Variants in TTC38 observed in about 807,000 individuals in gnomAD.
TTC38 encodes the protein tetratricopeptide repeat protein 38.
TTC38 carries 64 observed loss-of-function variants against 64.2 expected under a neutral mutation model. That is an observed-to-expected ratio of 1.00 (90% CI 0.81 to 1.23). The LOEUF (loss-of-function observed/expected upper bound fraction) is 1.23, where lower values mean the gene tolerates loss of function less well. Among genes scored for constraint, TTC38 ranks in the 50% most tolerant of loss-of-function variants. The probability of loss-of-function intolerance (pLI) is 0.00; values close to 1 mark genes in which losing one functional copy is unlikely to be tolerated. For missense variants in TTC38, 573 were observed against 615.5 expected (o/e 0.93, Z 0.73); for synonymous variants, 254 against 249.3 (o/e 1.02, Z -0.18).
Position 46,273,983 on chromosome 22 carries a change from G to A in TTC38, c.279G>A (p.Val93=). The change falls in exon 4 of 14, where the codon GTG becomes GTA. Residue 93 remains valine (V), a synonymous_variant. Transcript: ENST00000381031. This position sits in a 1 kb window ranked among gnomAD's most constrained non-coding sequence, Gnocchi z 5.1. The part of the protein sequence containing the change: ...VKLDKELDLA[V]KTMVEISRTQ... ...TGGACAAAGAGCTGGACCTGGCTGT[G>A]AAGACAATGGTGGAGATTTCAAGAA... The A allele has an allele frequency of 1.2e-6, 2 of 1,614,252 alleles. No homozygotes were observed. The highest frequency in any genetic ancestry group is 3.3e-5 in the Admixed American group (2 of 60,034).
At chr22:46,268,372 G>T in intron 1 of TTC38, 142 bp from the exon 2 acceptor site, 1 of 908,654 alleles carries the variant, frequency 1.1e-6, no homozygotes, top group Non-Finnish European at 1.7e-6. Context: ...GGGGCTCCTT[G>T]GAACCGGCCC....
At position 46,293,722 on chromosome 22, in the gene TTC38, G is replaced by A. The variant is rs1206359840; in HGVS notation, c.*838G>A. 6.6e-6 allele frequency: 1 copy of A among 152,378 alleles called. No individual in the cohort carries two copies. Among genetic ancestry groups the A allele is most frequent in the African/African-American group, 2.4e-5 (1 of 41,448 alleles). 9.4% of individuals were successfully genotyped at this position (152,378 alleles called of 1,614,324 possible). A position where few individuals can be genotyped will look rare whatever the true frequency, so the allele number is the denominator to read the frequency against. On this transcript the variant is annotated 3_prime_UTR_variant, in exon 14 of 14. Transcript: ENST00000381031. This position sits in a 1 kb window ranked among gnomAD's most constrained non-coding sequence, Gnocchi z 6.6. Reference sequence around the variant, plus strand: ...GTGATGTGTGGCTGTGACAAGCCTGGAGCGGGTCCTGTGAGCGCCGCCTCT... The same window carrying A: ...GTGATGTGTGGCTGTGACAAGCCTGAAGCGGGTCCTGTGAGCGCCGCCTCT...
Position 46,277,756 on chromosome 22 carries a change from G to A in TTC38, c.540-830G>A, listed in dbSNP as rs548540167. 1.2e-4 allele frequency among the ~76,000 whole-genome samples: 18 copies of A among 152,292 alleles called. 1 individual carries two copies. The South Asian group carries it at 3.3e-3, about 28-fold the overall frequency. On this transcript the variant is annotated intron_variant, in intron 5 of 13. Transcript: ENST00000381031. ...GGAGCTCCAGGTCTGGGGAGGACCC[G>A]GCCATTCACTGAGTGCATTCCAGGC...
In TTC38 at chr22:46,268,610, G is replaced by T. The variant is rs1936817629; in HGVS notation, c.111+19G>T. 6.2e-7 allele frequency: 1 copy of T among 1,612,914 alleles called. No individual in the cohort carries two copies. Among genetic ancestry groups the T allele is most frequent in the East Asian group, 2.2e-5 (1 of 44,884 alleles). Reference sequence around the variant, plus strand: ...GACCCAGGTATGCCTGCCGAGAGAGGCCGCGGCCCCTTCTGTGGAGGTCTA... The same window carrying T: ...GACCCAGGTATGCCTGCCGAGAGAGTCCGCGGCCCCTTCTGTGGAGGTCTA... On this transcript the variant is annotated intron_variant, in intron 2 of 13. Transcript: ENST00000381031.
Position 46,292,065 on chromosome 22 carries a change from C to T in TTC38, c.1317-726C>T. 2 of 325,096 alleles carry T rather than the reference C, an allele frequency of 6.2e-6. No homozygotes were observed. The highest frequency in any genetic ancestry group is 5.2e-5 in the South Asian group (2 of 38,200). 20.1% of individuals were successfully genotyped at this position (325,096 alleles called of 1,614,324 possible). A position where few individuals can be genotyped will look rare whatever the true frequency, so the allele number is the denominator to read the frequency against. On this transcript the variant is annotated intron_variant, in intron 13 of 13. Coordinates refer to ENST00000381031, the MANE Select transcript of TTC38 (RefSeq NM_017931.4). The surrounding 1 kb of genome is among the most constrained non-coding windows in gnomAD (Gnocchi z 6.5). ...TCCAGGAACAAGGCCTGGCTGGGTT[C>T]AGTTTCTGCTGAGGCCTCTCTTCCT...
At chr22:46,289,656 A>T in intron 12 of TTC38, 95 bp downstream of exon 12, 1 of 1,501,114 alleles carries the variant, frequency 6.7e-7, no homozygotes, top group Admixed American at 1.8e-5. Flanking sequence ...TGTTGGTGCC[A>T]ACAATGTGGG....
chr22:46,284,360 C>G (rs1179035107), intron 8 of TTC38, among the ~76,000 whole-genome samples: 1 of 152,242 alleles, frequency 6.6e-6, no homozygotes, highest in East Asian at 1.9e-4. Flanking sequence ...GGCAGCTGCT[C>G]AGGACACCCT....
chr22:46,269,094 C>A (rs578208845), intron 2 of TTC38: 64 of 420,946 alleles, frequency 1.5e-4, no homozygotes, highest in Non-Finnish European at 2.6e-4. Context: ...CTCTGCCCCC[C>A]CCCCACAGCG....
Position 46,273,908 on chromosome 22 carries a change from C to T in TTC38, c.204C>T (p.His68=), listed in dbSNP as rs371686823. The T allele has an allele frequency of 3.7e-5, 60 of 1,614,092 alleles. No homozygotes were observed. The highest frequency in any genetic ancestry group is 4.7e-5 in the Non-Finnish European group (56 of 1,180,050). ...KAADPTFVMG[H]AMATGLVLIG... ...CTAACCTCCCACCAGTGATGGGCCA[C>T]GCCATGGCTACTGGCCTTGTGCTGA... is the stretch of plus-strand genomic sequence containing the variant. The change falls in exon 4 of 14, where the codon CAC becomes CAT. Residue 68 remains histidine (H), a synonymous_variant. Transcript: ENST00000381031. This position sits in a 1 kb window ranked among gnomAD's most constrained non-coding sequence, Gnocchi z 5.1.
Position 46,272,314 on chromosome 22 carries a change from G to C in TTC38, c.112-21G>C. 6.2e-7 allele frequency: 1 copy of C among 1,607,496 alleles called. No individual in the cohort carries two copies. On this transcript the variant is annotated intron_variant, in intron 2 of 13. Coordinates refer to ENST00000381031, the MANE Select transcript of TTC38 (RefSeq NM_017931.4). This position sits in a 1 kb window ranked among gnomAD's most constrained non-coding sequence, Gnocchi z 6.4. ...TGATCCAAGGGCTCCGTGAGGACTT[G>C]TTTTGCTTTTCCCATTTCAGTATGT...
In TTC38 at chr22:46,282,044, G is replaced by A. The variant is rs887941443; in HGVS notation, c.735+326G>A. On this transcript the variant is annotated intron_variant, in intron 7 of 13. Coordinates refer to ENST00000381031, the MANE Select transcript of TTC38 (RefSeq NM_017931.4). The surrounding 1 kb of genome is among the most constrained non-coding windows in gnomAD (Gnocchi z 4.4). ...CCATGACGGGGACCCTCTGTGGGAT[G>A]TGGAAACGCAGAGGAAGCATTAAAC... 1.8e-5 allele frequency: 9 copies of A among 500,588 alleles called. No homozygotes were observed. Among genetic ancestry groups the A allele is most frequent in the African/African-American group, 1.8e-4 (9 of 50,950 alleles). 31.0% of individuals were successfully genotyped at this position (500,588 alleles called of 1,614,324 possible).
In TTC38 at chr22:46,272,830, G is replaced by T. The variant is rs879901648; in HGVS notation, c.193+414G>T. On this transcript the variant is annotated intron_variant, in intron 3 of 13. Transcript: ENST00000381031. This position sits in a 1 kb window ranked among gnomAD's most constrained non-coding sequence, Gnocchi z 6.4. The stretch of plus-strand genomic sequence containing the variant: ...ATGAGAGGTGGCTGCTGCAGCCTCC[G>T]TCAGGGGACCAGTGAGGCCTCATCC... Among the ~76,000 whole-genome samples the T allele has an allele frequency of 1.3e-5, 2 of 152,100 alleles. No individual in the cohort carries two copies. Among genetic ancestry groups the T allele is most frequent in the Non-Finnish European group, 2.9e-5 (2 of 68,004 alleles).
At chr22:46,286,383 GGGCACGGT>G (rs1258259301) in intron 9 of TTC38, among the ~76,000 whole-genome samples, 2 of 152,000 alleles carry the variant, frequency 1.3e-5, no homozygotes, top group African/African-American at 4.8e-5. Context: ...AGGGTGGGCC[GGGCACGGT>G]GGCTCACACA....
chr22:46,279,949 C>T lies in TTC38; in HGVS notation c.615+1288C>T, dbSNP rs561604273. ...GGCAAACCAGATGTGGCAAGTCCCC[C>T]GCACTGAGGGTGGCCAAAAAAACAT... On this transcript the variant is annotated intron_variant, in intron 6 of 13. Coordinates refer to ENST00000381031, the MANE Select transcript of TTC38 (RefSeq NM_017931.4). The T allele has an allele frequency of 1.3e-4, 46 of 366,554 alleles. No individual in the cohort carries two copies. The East Asian group carries it at 2.2e-3, about 17-fold the overall frequency. The allele number at this position is 366,554 out of a possible 1,614,324, so 22.7% of individuals were successfully genotyped here. A position where few individuals can be genotyped will look rare whatever the true frequency, so the allele number is the denominator to read the frequency against.
intron 10 of TTC38, among the ~76,000 whole-genome samples, chr22:46,287,544 G>T (rs2077580736): frequency 6.6e-6 from 1 of 152,246 alleles, no homozygotes; most frequent in Non-Finnish European, 1.5e-5. Context: ...TCAACTCCCT[G>T]GGATTGTAGA....
rs1353472662 is a variant in TTC38, at chr22:46,274,238, C to G, written c.365+169C>G. Among the ~76,000 whole-genome samples, 1 of 152,164 alleles carries G rather than the reference C, an allele frequency of 6.6e-6. No homozygotes were observed. ...ATCGCATCCTGTCTGCTTCCCTATT[C>G]TTGGTGGAGTGCTGAGTGAGGAAGC... On this transcript the variant is annotated intron_variant, in intron 4 of 13. Transcript: ENST00000381031. The surrounding 1 kb of genome is among the most constrained non-coding windows in gnomAD (Gnocchi z 4.8).
Position 46,293,838 on chromosome 22 carries a change from A to G in TTC38, c.*954A>G, listed in dbSNP as rs948781481. 3 of 152,258 alleles carry G rather than the reference A, an allele frequency of 2.0e-5. No individual in the cohort carries two copies. The highest frequency in any genetic ancestry group is 6.5e-5 in the Admixed American group (1 of 15,284). The allele number at this position is 152,258 out of a possible 1,614,324, so 9.4% of individuals were successfully genotyped here. A position where few individuals can be genotyped will look rare whatever the true frequency, so the allele number is the denominator to read the frequency against. On this transcript the variant is annotated 3_prime_UTR_variant, in exon 14 of 14. Coordinates refer to ENST00000381031, the MANE Select transcript of TTC38 (RefSeq NM_017931.4). The surrounding 1 kb of genome is among the most constrained non-coding windows in gnomAD (Gnocchi z 6.6). ...CTCCTGTGAGGGGCGGTCCCAGTGCACAGATGTTTTTCAAGTTCCTCAGTT... is the reference window on the plus strand; with the variant it reads ...CTCCTGTGAGGGGCGGTCCCAGTGCGCAGATGTTTTTCAAGTTCCTCAGTT...
rs1937000447 is a variant in TTC38, at chr22:46,276,011, C to T, written c.539+590C>T. ...GAAGGCCTGGAATGTGCATGAACAGCCCCAGTGACCACCACACAGGACTGA... is the reference window on the plus strand; with the variant it reads ...GAAGGCCTGGAATGTGCATGAACAGTCCCAGTGACCACCACACAGGACTGA... On this transcript the variant is annotated intron_variant, in intron 5 of 13. Coordinates refer to ENST00000381031, the MANE Select transcript of TTC38 (RefSeq NM_017931.4). The surrounding 1 kb of genome is among the most constrained non-coding windows in gnomAD (Gnocchi z 4.7). 6.6e-6 allele frequency among the ~76,000 whole-genome samples: 1 copy of T among 152,174 alleles called. No homozygotes were observed. The highest frequency in any genetic ancestry group is 2.4e-5 in the African/African-American group (1 of 41,446).
rs1234585057 is a variant in TTC38 at position 46,292,806 on chromosome 22, G to C, written c.1332G>C (p.Glu444Asp). 3 of 1,614,006 alleles carry C rather than the reference G, an allele frequency of 1.9e-6. No homozygotes were observed. In the Admixed American group the frequency reaches 5.0e-5, roughly 27 times the overall value. The change falls in exon 14 of 14, where the codon GAG (glutamate) becomes GAC (aspartate). Residue 444 changes from glutamate (E) to aspartate (D), a missense_variant. By Grantham distance (45) the Glu-to-Asp change is conservative. Coordinates refer to ENST00000381031, the MANE Select transcript of TTC38 (RefSeq NM_017931.4). The surrounding 1 kb of genome is among the most constrained non-coding windows in gnomAD (Gnocchi z 6.5). ...HKNVARSLLM[E>D]RDALKPNSPL... ...GTTTCCACAGGAGCCTTCTGATGGA[G>C]CGTGATGCCTTGAAGCCCAACTCGC...
Sources: gnomAD v4.1 joint callset for allele counts (sites outside exome capture counted in the v4.1 genomes callset) on GRCh38, gnomAD v4.1.1 for gene constraint, Gnocchi (gnomAD v3.1) non-coding constraint, MANE v1.5 for transcripts, NCBI Gene and HGNC (gene_info 2026-07-23, HGNC 2026-07-21) for gene names.